Variants in ROBO2 observed in about 807,000 individuals in gnomAD.
The protein encoded by ROBO2 is roundabout guidance receptor 2, also known as roundabout homolog 2.
A neutral mutation model predicts 160.8 loss-of-function variants in ROBO2; 53 were observed. That is an observed-to-expected ratio of 0.33 (90% confidence interval 0.26 to 0.41). ROBO2 has a LOEUF of 0.41. Ranked by LOEUF, ROBO2 falls within the 10% of genes least tolerant of loss-of-function variation. The probability of loss-of-function intolerance (pLI) is 1.00; values close to 1 mark genes in which losing one functional copy is unlikely to be tolerated. For synonymous variants in ROBO2, 664 were observed against 611.7 expected (o/e 1.09, Z -1.26); for missense variants, 1,577 against 1,722.4 (o/e 0.92, Z 1.49).
chr3:77,489,734 G>T (rs528928876), intron 4 of ROBO2, among the ~76,000 whole-genome samples: 5 of 152,248 alleles, frequency 3.3e-5, no homozygotes, highest in Admixed American at 2.0e-4. Flanking sequence ...CTCACATATT[G>T]TTTTTCAATT....
intron 23 of ROBO2, among the ~76,000 whole-genome samples, chr3:77,626,767 G>A (rs1372645866): frequency 6.6e-6 from 1 of 152,204 alleles, no homozygotes; most frequent in East Asian, 1.9e-4. Context: ...CTGAGATTGT[G>A]TGCTGTTCAG....
chr3:76,833,816 A>T (rs1285361366), intron 2 of ROBO2, among the ~76,000 whole-genome samples: 1 of 152,132 alleles, frequency 6.6e-6, no homozygotes, highest in Non-Finnish European at 1.5e-5. Context: ...TACAAGTTTC[A>T]AACCCACTTC....
chr3:77,552,148 A>G (rs1433731094), intron 8 of ROBO2, among the ~76,000 whole-genome samples: 1 of 152,014 alleles, frequency 6.6e-6, no homozygotes, highest in Non-Finnish European at 1.5e-5. Context: ...ATAAAAGATA[A>G]TTATTAATCA....
intron 2 of ROBO2, among the ~76,000 whole-genome samples, chr3:77,110,979 C>T (rs567875704): frequency 3.4e-4 from 52 of 152,136 alleles, no homozygotes; most frequent in African/African-American, 1.2e-3. Context: ...CAGGTGTGAA[C>T]CATTGGGCCT....
chr3:76,494,393 G>C (rs751987303), intron 2 of ROBO2, among the ~76,000 whole-genome samples: 6 of 152,148 alleles, frequency 3.9e-5, no homozygotes, highest in Non-Finnish European at 5.9e-5. Flanking sequence ...AGATGGAAAA[G>C]AGTGGCAAAA....
At chr3:76,971,805 T>C (rs1487032519) in intron 2 of ROBO2, among the ~76,000 whole-genome samples, 1 of 152,186 alleles carries the variant, frequency 6.6e-6, no homozygotes, top group Non-Finnish European at 1.5e-5. Context: ...ACCTATTCAC[T>C]TGATTCAACT....
At chr3:76,285,881 T>C (rs574094900) in intron 2 of ROBO2, among the ~76,000 whole-genome samples, 2 of 152,302 alleles carry the variant, frequency 1.3e-5, no homozygotes, top group Non-Finnish European at 2.9e-5. Flanking sequence ...TCCGTGTTCT[T>C]GTATACAGTC....
intron 2 of ROBO2, among the ~76,000 whole-genome samples, chr3:76,821,962 T>C (rs1238512714): frequency 6.6e-6 from 1 of 152,044 alleles, no homozygotes; most frequent in Non-Finnish European, 1.5e-5. Flanking sequence ...AGACCAATAC[T>C]TGTTTAATTC....
rs143070410 is a variant in ROBO2 at position 77,262,754 on chromosome 3, T to C, written c.388+164414T>C. ...TGTTAAATTTGGTCATTTAGCATCA[T>C]AAATTGAAGTTGGAATATCATGAAA... On this transcript the variant is annotated intron_variant, in intron 2 of 25. Transcript: ENST00000461745. Among the ~76,000 whole-genome samples, 1,500 of 152,320 alleles carry C rather than the reference T, an allele frequency of 9.8e-3. 20 individuals are homozygous for C. The highest frequency in any genetic ancestry group is 0.033 in the African/African-American group (1,352 of 41,572).
At chr3:75,992,650 G>C (rs922570048) in intron 2 of ROBO2, among the ~76,000 whole-genome samples, 1 of 152,130 alleles carries the variant, frequency 6.6e-6, no homozygotes, top group African/African-American at 2.4e-5. Context: ...TGTGAGAAGA[G>C]GGCCACTGTC....
At chr3:77,505,539 T>A (rs1582543461) in intron 5 of ROBO2, among the ~76,000 whole-genome samples, 1 of 152,248 alleles carries the variant, frequency 6.6e-6, no homozygotes, top group East Asian at 1.9e-4. Flanking sequence ...TAGAATTGAT[T>A]GTGAGATTTA....
chr3:77,409,424 A>G (rs936332591), intron 2 of ROBO2, among the ~76,000 whole-genome samples: 40 of 152,192 alleles, frequency 2.6e-4, no homozygotes, highest in African/African-American at 9.6e-4. Context: ...TATTTAGTGA[A>G]TTTAATGTTG....
At chr3:76,414,635 A>T (rs1408524435) in intron 2 of ROBO2, among the ~76,000 whole-genome samples, 1 of 83,376 alleles carries the variant, frequency 1.2e-5, no homozygotes, top group Admixed American at 1.5e-4. Context: ...GGGAGGGGGG[A>T]GGGATAGCAT....
intron 2 of ROBO2, among the ~76,000 whole-genome samples, chr3:76,088,926 G>T (rs1040478121): frequency 4.0e-5 from 6 of 151,828 alleles, no homozygotes; most frequent in Non-Finnish European, 8.8e-5. Context: ...ACAAAAAACT[G>T]GTTATTTGGA....
rs141663344 is a variant in ROBO2, at chr3:76,997,928, T to C, written c.110-100086T>C. ...CAGCCCCATATGCTTTCCCATCATCTAGGAAACTAGCCAGAGCTTGTTCAC... is the reference window on the plus strand; with the variant it reads ...CAGCCCCATATGCTTTCCCATCATCCAGGAAACTAGCCAGAGCTTGTTCAC... On this transcript the variant is annotated intron_variant, in intron 2 of 26. Transcript: ENST00000487694. 6.3e-4 allele frequency among the ~76,000 whole-genome samples: 96 copies of C among 152,222 alleles called. No homozygotes were observed. In the East Asian group the frequency reaches 0.018, roughly 28 times the overall value.
intron 2 of ROBO2, among the ~76,000 whole-genome samples, chr3:76,827,291 GA>G (rs1349229957): frequency 1.3e-5 from 2 of 152,120 alleles, no homozygotes; most frequent in East Asian, 3.9e-4. Context: ...ACTACATCAA[GA>G]AAGAAATGAA....
At chr3:75,924,473 A>G (rs906777164) in intron 1 of ROBO2, among the ~76,000 whole-genome samples, 2 of 152,030 alleles carry the variant, frequency 1.3e-5, no homozygotes, top group Non-Finnish European at 2.9e-5. Context: ...AGACTTGATG[A>G]TAACTCGATT....
At chr3:76,109,628 C>A (rs562943586) in intron 2 of ROBO2, among the ~76,000 whole-genome samples, 72 of 152,124 alleles carry the variant, frequency 4.7e-4, no homozygotes, top group Non-Finnish European at 7.2e-4. Flanking sequence ...GTGCTGTTCC[C>A]ATGTTTCTCT....
chr3:76,923,664 T>C (rs2076808495), intron 2 of ROBO2, among the ~76,000 whole-genome samples: 1 of 152,200 alleles, frequency 6.6e-6, no homozygotes, highest in Admixed American at 6.5e-5. Context: ...TGGTAATCGT[T>C]CTGTTCTGCA....
Sources: allele counts gnomAD v4.1 joint callset (sites outside exome capture counted in the v4.1 genomes callset), GRCh38; gene constraint gnomAD v4.1.1; transcripts MANE v1.5; gene names NCBI Gene and HGNC (gene_info 2026-07-23, HGNC 2026-07-21).